Variants in ZNF618 observed in about 807,000 individuals in gnomAD.
ZNF618 encodes the protein neural precursor cell expressed, developmentally down-regulated 10.
Under a neutral mutation model 103.0 loss-of-function variants are expected in ZNF618, and 34 were observed. That is an observed-to-expected ratio of 0.33 (90% CI 0.25 to 0.44). ZNF618 has a LOEUF of 0.44. Among genes scored for constraint, ZNF618 ranks in the 20% least tolerant of loss-of-function variants. The pLI, the probability that ZNF618 is intolerant of heterozygous loss-of-function variation, is 1.00. For missense variants in ZNF618, 1,059 were observed against 1,295.4 expected (o/e 0.82, Z 2.80); for synonymous variants, 551 against 542.2 (o/e 1.02, Z -0.23).
At chr9:114,017,959 G>A (rs532247875) in intron 10 of ZNF618, among the ~76,000 whole-genome samples, 32 of 152,274 alleles carry the variant, frequency 2.1e-4, no homozygotes, top group African/African-American at 6.0e-4. Flanking sequence ...TCCTGAGGTC[G>A]AGCACTGGGC....
intron 1 of ZNF618, among the ~76,000 whole-genome samples, chr9:113,955,146 CTT>C (rs3034066): frequency 1.4e-3 from 178 of 130,510 alleles, no homozygotes; most frequent in East Asian, 4.5e-3. Context: ...AGTGACTTCT[CTT>C]TTTTTTTTTT....
At chr9:113,905,725 G>A (rs1830928096) in intron 1 of ZNF618, among the ~76,000 whole-genome samples, 1 of 152,178 alleles carries the variant, frequency 6.6e-6, no homozygotes, top group Non-Finnish European at 1.5e-5. Context: ...CAGCACTTGG[G>A]TGAAGCCGTT....
Position 114,002,009 on chromosome 9 carries a change from C to T in ZNF618, c.447C>T (p.Cys149=), listed in dbSNP as rs755255604. 1.2e-5 allele frequency: 20 copies of T among 1,613,760 alleles called. No individual in the cohort carries two copies. The highest frequency in any genetic ancestry group is 6.7e-5 in the East Asian group (3 of 44,888). ...ALRYASGSYE[C]GICGKKYKYY... ...TCTGTTTTCCAGGGTCTTACGAATGCGGAATCTGTGGCAAGAAGTACAAGT... is the reference window on the plus strand; with the variant it reads ...TCTGTTTTCCAGGGTCTTACGAATGTGGAATCTGTGGCAAGAAGTACAAGT... The change falls in exon 5 of 15, where the codon TGC becomes TGT. Residue 149 remains cysteine (C), a synonymous_variant. Transcript: ENST00000374126.
rs113819665 is a variant in ZNF618 at position 114,050,442 on chromosome 9, G to GCACA, written c.*305_*308dup. 5,038 of 210,290 alleles carry GCACA rather than the reference G, an allele frequency of 0.024. 80 individuals are homozygous for GCACA. The highest frequency in any genetic ancestry group is 0.043 in the African/African-American group (1,745 of 40,874). The allele number at this position is 210,290 out of a possible 1,614,324, so 13.0% of individuals were successfully genotyped here. ...ATGGCCAGAGAAACTTTGCACACACGCACACACACACACACACACACACAC... is the reference window on the plus strand; with the variant it reads ...ATGGCCAGAGAAACTTTGCACACACGCACACACACACACACACACACACACACAC... On this transcript the variant is annotated 3_prime_UTR_variant, in exon 15 of 15. Transcript: ENST00000374126.
At position 113,951,391 on chromosome 9, in the gene ZNF618, C is replaced by CTA. The variant is rs1328231670; in HGVS notation, c.34-17717_34-17716dup. On this transcript the variant is annotated intron_variant, in intron 1 of 14. Transcript: ENST00000374126. ...CCAGGATGGCTTGGAGCACTTTTTC[C>CTA]TATATATATACGTATATATACACAC... Among the ~76,000 whole-genome samples, 36 of 58,188 alleles carry CTA rather than the reference C, an allele frequency of 6.2e-4. 5 individuals carry two copies. The highest frequency in any genetic ancestry group is 1.9e-3 in the African/African-American group (31 of 16,308). 38.2% of individuals were successfully genotyped at this position (58,188 alleles called of 152,430 possible).
intron 9 of ZNF618, among the ~76,000 whole-genome samples, chr9:114,013,545 C>G (rs1842424514): frequency 6.6e-6 from 1 of 152,210 alleles, no homozygotes; most frequent in South Asian, 2.1e-4. Flanking sequence ...ATTCTCCTGC[C>G]TCAGCCTCCC....
In ZNF618 at chr9:113,884,908, C is replaced by G. The variant is rs548008309; in HGVS notation, c.33+8495C>G. Among the ~76,000 whole-genome samples the G allele has an allele frequency of 5.3e-5, 8 of 152,288 alleles. No homozygotes were observed. In the South Asian group the frequency reaches 1.5e-3, roughly 28 times the overall value. ...GGACTAAAAGCCTCAGATTTCTTCACTCCTCAACCAGTGCTTTTCCTGCCC... is the reference window on the plus strand; with the variant it reads ...GGACTAAAAGCCTCAGATTTCTTCAGTCCTCAACCAGTGCTTTTCCTGCCC... On this transcript the variant is annotated intron_variant, in intron 1 of 14. Transcript: ENST00000374126.
At chr9:113,930,853 A>G (rs978716070) in intron 1 of ZNF618, among the ~76,000 whole-genome samples, 1 of 152,208 alleles carries the variant, frequency 6.6e-6, no homozygotes, top group Non-Finnish European at 1.5e-5. Context: ...CAACAGGATC[A>G]GTTTTTCACA....
Position 114,051,087 on chromosome 9 carries a change from GT to G in ZNF618, c.*923del, listed in dbSNP as rs1260770254. The G allele has an allele frequency of 3.3e-5, 5 of 152,702 alleles. No individual in the cohort carries two copies. The highest frequency in any genetic ancestry group is 2.1e-4 in the South Asian group (1 of 4,820). 9.5% of individuals were successfully genotyped at this position (152,702 alleles called of 1,614,324 possible). ...CTAACATTTTAGCAATTTTTACCTT[GT>G]TTGGGGGTTCATTTTGTTTCTTCAG... On this transcript the variant is annotated 3_prime_UTR_variant, in exon 15 of 15. Transcript: ENST00000374126.
At chr9:113,974,254 A>G (rs546789037) in intron 2 of ZNF618, among the ~76,000 whole-genome samples, 15 of 152,360 alleles carry the variant, frequency 9.8e-5, no homozygotes, top group African/African-American at 3.6e-4. Context: ...ATGAAGAAGG[A>G]TCTGAAAGAG....
chr9:114,008,637 G>A, intron 9 of ZNF618, 83 bp downstream of exon 9: 2 of 1,496,330 alleles, frequency 1.3e-6, no homozygotes, highest in Admixed American at 1.9e-5. Flanking sequence ...CTAGGGCAGG[G>A]GTAGCAGTGG....
Position 113,982,024 on chromosome 9 carries a change from G to C in ZNF618, c.78-6297G>C, listed in dbSNP as rs776933548. 5.9e-5 allele frequency among the ~76,000 whole-genome samples: 9 copies of C among 152,088 alleles called. No homozygotes were observed. The South Asian group carries it at 6.2e-4, about 11-fold the overall frequency. ...CCCAGAGAGAGAGAGAGAGACATTT[G>C]TTTGTTTCTGAAACCTCCCCGGGCA... On this transcript the variant is annotated intron_variant, in intron 2 of 14. Coordinates refer to ENST00000374126, the MANE Select transcript of ZNF618 (RefSeq NM_001318042.2).
intron 1 of ZNF618, among the ~76,000 whole-genome samples, chr9:113,918,540 T>C (rs1412324023): frequency 1.3e-5 from 2 of 152,248 alleles, no homozygotes; most frequent in Non-Finnish European, 2.9e-5. Flanking sequence ...GGAATTGTAC[T>C]GTAGAAAGAT....
intron 1 of ZNF618, among the ~76,000 whole-genome samples, chr9:113,891,263 A>G (rs1461127161): frequency 6.6e-6 from 1 of 152,238 alleles, no homozygotes; most frequent in Non-Finnish European, 1.5e-5. Flanking sequence ...GTAAGGGGTT[A>G]ATATCCAGAA....
intron 3 of ZNF618, among the ~76,000 whole-genome samples, chr9:113,996,988 C>A (rs1379126080): frequency 1.3e-5 from 2 of 152,158 alleles, no homozygotes; most frequent in Non-Finnish European, 2.9e-5. Flanking sequence ...TGTTGAGTTG[C>A]CAGCCTCATG....
In ZNF618 at chr9:114,048,807, G is replaced by T; in HGVS notation, c.1505G>T (p.Ser502Ile). The part of the protein sequence containing the change: ...FLKLAQTLVD[S>I]GARYGAFSVT... ...AAGTTGGCCCAGACCTTAGTAGACA[G>T]TGGTGCCCGCTATGGGGCCTTCTCG... Residue 502 changes from serine (S) to isoleucine (I), a missense_variant, in exon 15 of 15, where the codon AGT becomes ATT. Coordinates refer to ENST00000374126, the MANE Select transcript of ZNF618 (RefSeq NM_001318042.2). 2 of 1,613,882 alleles carry T rather than the reference G, an allele frequency of 1.2e-6. No homozygotes were observed. Among genetic ancestry groups the T allele is most frequent in the Non-Finnish European group, 1.7e-6 (2 of 1,179,822 alleles).
At chr9:113,988,075 CTG>C (rs1373619125) in intron 2 of ZNF618, among the ~76,000 whole-genome samples, 2 of 152,222 alleles carry the variant, frequency 1.3e-5, no homozygotes, top group Non-Finnish European at 2.9e-5. Flanking sequence ...GCTTCCCCAA[CTG>C]TAAAATGGGT....
chr9:113,971,053 A>G (rs1434309194), intron 2 of ZNF618, among the ~76,000 whole-genome samples: 1 of 150,354 alleles, frequency 6.7e-6, no homozygotes, highest in African/African-American at 2.5e-5. Flanking sequence ...GCCTGTGGTC[A>G]TTGGGGGTGA....
intron 14 of ZNF618, 52 bp from the exon 15 acceptor site, chr9:114,048,599 A>T (rs900744338): frequency 6.5e-7 from 1 of 1,550,044 alleles, no homozygotes; most frequent in Non-Finnish European, 8.8e-7. Context: ...TGCCACTCCA[A>T]GCAGCCTTGA....
Sources: gnomAD v4.1 joint callset for allele counts (sites outside exome capture counted in the v4.1 genomes callset) on GRCh38, gnomAD v4.1.1 for gene constraint, MANE v1.5 for transcripts, NCBI Gene and HGNC (gene_info 2026-07-23, HGNC 2026-07-21) for gene names.